Variants in TSC22D3 observed in about 807,000 individuals in gnomAD.
TSC22D3 encodes TSC22 domain family member 3, also known as TSC22 domain family protein 3.
A neutral mutation model predicts 11.1 loss-of-function variants in TSC22D3; 4 were observed. That is an observed-to-expected ratio of 0.36 (90% CI 0.18 to 0.83). The LOEUF is 0.83. Ranked by LOEUF, TSC22D3 falls within the 40% of genes least tolerant of loss-of-function variation. The probability of loss-of-function intolerance (pLI) is 0.48; values close to 1 mark genes in which losing one functional copy is unlikely to be tolerated. For synonymous variants in TSC22D3, 77 were observed against 70.3 expected, an observed-to-expected ratio of 1.10 and a Z score of -0.48; for missense variants, 118 against 159.4, an observed-to-expected ratio of 0.74 and a Z score of 1.40.
At chrX:107,755,483 G>T (rs1389400657) in intron 1 of TSC22D3, among the ~76,000 whole-genome samples, 1 of 112,452 alleles carries the variant, frequency 8.9e-6, no homozygotes, top group African/African-American at 3.2e-5. Context: ...TTCTCTCCAG[G>T]GCTTGCCTTC....
chrX:107,714,332 C>T lies in TSC22D3; in HGVS notation c.*187G>A. 2.3e-6 allele frequency: 1 copy of T among 436,148 alleles called. No homozygotes were observed. Among genetic ancestry groups the T allele is most frequent in the Admixed American group, 4.1e-5 (1 of 24,469 alleles). 35.9% of individuals were successfully genotyped at this position (436,148 alleles called of 1,213,427 possible). ...CCCATGCAACTCAGCCTCCAGAGAC[C>T]TGCTCTTGTCAGGGGTCTGTCGCTG... On this transcript the variant is annotated 3_prime_UTR_variant, in exon 3 of 3. Transcript: ENST00000372383.
chrX:107,736,682 C>G (rs774194889), intron 1 of TSC22D3, among the ~76,000 whole-genome samples: 1 of 111,191 alleles, frequency 9.0e-6, no homozygotes, highest in East Asian at 2.8e-4. Flanking sequence ...GTCTTTCGGT[C>G]TGTGCTCGAT....
chrX:107,759,535 G>A (rs768391145), intron 1 of TSC22D3, among the ~76,000 whole-genome samples: 16 of 111,906 alleles, frequency 1.4e-4, no homozygotes, highest in East Asian at 1.1e-3. Flanking sequence ...GTCTGGACTC[G>A]AACCCAAATC....
chrX:107,756,257 C>T (rs1302333688), intron 1 of TSC22D3, among the ~76,000 whole-genome samples: 1 of 112,265 alleles, frequency 8.9e-6, no homozygotes, highest in Non-Finnish European at 1.9e-5. Flanking sequence ...TTGTTGTTTA[C>T]TTAATATTTA....
intron 1 of TSC22D3, among the ~76,000 whole-genome samples, chrX:107,722,679 C>T (rs1471812962): frequency 9.0e-6 from 1 of 111,301 alleles, no homozygotes; most frequent in African/African-American, 3.3e-5. Context: ...AATTTACCTC[C>T]ATAATTTTTC....
chrX:107,767,004 G>C (rs1431641592), intron 1 of TSC22D3, among the ~76,000 whole-genome samples: 1 of 110,852 alleles, frequency 9.0e-6, no homozygotes, highest in Non-Finnish European at 1.9e-5. Flanking sequence ...TCTTGGGAGT[G>C]GGGTAAGCCA....
intron 1 of TSC22D3, among the ~76,000 whole-genome samples, chrX:107,742,483 G>A (rs1303477269): frequency 9.0e-6 from 1 of 110,815 alleles, no homozygotes; most frequent in African/African-American, 3.3e-5. Context: ...CATCACCACT[G>A]TTCTCCCCGC....
intron 1 of TSC22D3, chrX:107,717,096 A>T (rs776483545): frequency 5.0e-4 from 450 of 908,839 alleles, no homozygotes; most frequent in Non-Finnish European, 5.8e-4. Context: ...TTTATATAGG[A>T]GGAGCCGGCT....
intron 1 of TSC22D3, among the ~76,000 whole-genome samples, chrX:107,735,731 C>T (rs1011102273): frequency 9.2e-6 from 1 of 109,140 alleles, no homozygotes; most frequent in Admixed American, 9.8e-5. Context: ...ACCCGCCCCC[C>T]CAGCTGACTA....
intron 1 of TSC22D3, among the ~76,000 whole-genome samples, chrX:107,735,147 G>GT (rs1928071888): frequency 1.8e-5 from 2 of 110,380 alleles, no homozygotes; most frequent in Non-Finnish European, 3.8e-5. Context: ...AAATTGTTGG[G>GT]GTTTTTTTTT....
At chrX:107,769,047 GC>G (rs746513478) in intron 1 of TSC22D3, among the ~76,000 whole-genome samples, 26 of 112,630 alleles carry the variant, frequency 2.3e-4, no homozygotes, top group South Asian at 1.1e-3. Context: ...TGAGACATTT[GC>G]TCATTTTATG....
chrX:107,716,493 G>A (rs1041962901), intron 1 of TSC22D3: 23 of 1,010,991 alleles, frequency 2.3e-5, no homozygotes, highest in Middle Eastern at 4.1e-4. Context: ...AGCGGCCGCA[G>A]GGACGCTTCG....
intron 1 of TSC22D3, among the ~76,000 whole-genome samples, chrX:107,755,946 A>C (rs1455788696): frequency 8.9e-6 from 1 of 111,895 alleles, no homozygotes; most frequent in East Asian, 2.8e-4. Context: ...AACCAAGGGA[A>C]AGGCCTGCTG....
chrX:107,758,553 G>A (rs1193439619), intron 1 of TSC22D3, among the ~76,000 whole-genome samples: 2 of 111,824 alleles, frequency 1.8e-5, no homozygotes, highest in Non-Finnish European at 3.8e-5. Context: ...CCTGCACTGA[G>A]TCATGCAACA....
At chrX:107,746,078 C>T (rs1321069451) in intron 1 of TSC22D3, among the ~76,000 whole-genome samples, 1 of 112,216 alleles carries the variant, frequency 8.9e-6, no homozygotes, top group Non-Finnish European at 1.9e-5. Context: ...GATCCAAGAA[C>T]AATCTTTAGG....
intron 1 of TSC22D3, among the ~76,000 whole-genome samples, chrX:107,731,015 C>T (rs1031806839): frequency 3.6e-5 from 4 of 112,461 alleles, no homozygotes; most frequent in Admixed American, 9.4e-5. Flanking sequence ...AAAGACAAAT[C>T]GAAGAAATTT....
chrX:107,714,627 G>C lies in TSC22D3; in HGVS notation c.495C>G (p.Thr165=). 1 of 1,211,300 alleles carries C rather than the reference G, an allele frequency of 8.3e-7. No homozygotes were observed. The highest frequency in any genetic ancestry group is 1.1e-6 in the Non-Finnish European group (1 of 895,356). ...QLERENTLLK[T]LASPEQLEKF... ...TCTCCAGCTGCTCTGGGCTTGCCAG[G>C]GTCTTCAACAGGGTGTTCTCACGCT... is the stretch of plus-strand genomic sequence containing the variant. The change falls in exon 3 of 3, where the codon ACC becomes ACG. Residue 165 remains threonine (T), a synonymous_variant. Transcript: ENST00000372383.
chrX:107,716,700 G>C, intron 1 of TSC22D3: 1 of 1,209,373 alleles, frequency 8.3e-7, no homozygotes, highest in African/African-American at 1.7e-5. Flanking sequence ...CTGTTGTCCA[G>C]CTTAACGGAA....
intron 1 of TSC22D3, among the ~76,000 whole-genome samples, chrX:107,731,758 C>T (rs189333652): frequency 3.0e-4 from 33 of 109,319 alleles, no homozygotes; most frequent in Non-Finnish European, 5.7e-4. Context: ...CAGATCATGT[C>T]TGCCCCCATG....
Sources: allele counts gnomAD v4.1 joint callset (sites outside exome capture counted in the v4.1 genomes callset), GRCh38; gene constraint gnomAD v4.1.1; transcripts MANE v1.5; gene names NCBI Gene and HGNC (gene_info 2026-07-23, HGNC 2026-07-21).